The following ACTN1 variants were observed in gnomAD, a reference collection of about 807,000 sequenced individuals.
ACTN1 encodes actinin alpha 1.
Under a neutral mutation model 119.6 loss-of-function variants are expected in ACTN1, and 30 were observed. The observed-to-expected ratio is 0.25, with a 90% confidence interval of 0.19 to 0.34. The LOEUF (loss-of-function observed/expected upper bound fraction) is 0.34. Among genes scored for constraint, ACTN1 ranks in the 10% least tolerant of loss-of-function variants. ACTN1 has a pLI of 1.00. For synonymous variants in ACTN1, 429 were observed against 472.6 expected, an observed-to-expected ratio of 0.91 and a Z score of 1.20; for missense variants, 764 against 1,223.4, an observed-to-expected ratio of 0.62 and a Z score of 5.60.
At chr14:68,973,804 T>C (rs1340349610) in intron 1 of ACTN1, 1 of 152,090 alleles carries the variant, frequency 6.6e-6, no homozygotes, top group Non-Finnish European at 1.5e-5. Flanking sequence ...CGGGCTAAAT[T>C]GAATCCTGAG....
intron 3 of ACTN1, among the ~76,000 whole-genome samples, chr14:68,917,196 C>A (rs978995311): frequency 2.6e-5 from 4 of 152,206 alleles, no homozygotes; most frequent in Non-Finnish European, 5.9e-5. Context: ...CCTTAAGGAT[C>A]TGCTCTAACC....
intron 1 of ACTN1, among the ~76,000 whole-genome samples, chr14:68,943,999 C>A (rs540758201): frequency 6.6e-6 from 1 of 152,218 alleles, no homozygotes; most frequent in Non-Finnish European, 1.5e-5. Flanking sequence ...CAGTCTCAAG[C>A]CACACGGGCA....
rs766862371 is a variant in ACTN1 at position 68,979,066 on chromosome 14, C to T, written c.-10G>A. The T allele has an allele frequency of 5.2e-6, 8 of 1,544,786 alleles. No individual in the cohort carries two copies. In the Admixed American group the frequency reaches 5.3e-5, roughly 10 times the overall value. On this transcript the variant is annotated 5_prime_UTR_variant, in exon 1 of 22. Transcript: ENST00000394419. ...AATCATAATGGTCCATGATGGTGCG[C>T]GCGTGCTAGGGTCTGGATTTCTTCC...
At chr14:68,899,323 G>A (rs1212793579) in intron 8 of ACTN1, among the ~76,000 whole-genome samples, 5 of 123,240 alleles carry the variant, frequency 4.1e-5, no homozygotes, top group South Asian at 2.9e-4. Context: ...CACCCACAGC[G>A]CACCTCACCC....
chr14:68,943,493 G>T (rs2035832086), intron 1 of ACTN1, among the ~76,000 whole-genome samples: 1 of 152,172 alleles, frequency 6.6e-6, no homozygotes, highest in Non-Finnish European at 1.5e-5. Flanking sequence ...AGACACTGCA[G>T]CAAGGGCAGC....
At chr14:68,957,718 A>T (rs1036241603) in intron 1 of ACTN1, among the ~76,000 whole-genome samples, 5 of 152,236 alleles carry the variant, frequency 3.3e-5, no homozygotes, top group African/African-American at 1.2e-4. Context: ...GCCCACAACC[A>T]GTACCCTGGT....
rs1290173931 is a variant in ACTN1 at position 68,979,090 on chromosome 14, C to T, written c.-34G>A. On this transcript the variant is annotated 5_prime_UTR_variant, in exon 1 of 22. Coordinates refer to ENST00000394419, the MANE Select transcript of ACTN1 (RefSeq NM_001130004.2). ...GCGCGTGCTAGGGTCTGGATTTCTT[C>T]CTCCACCTTCTCTCTGAGCAACGGC... 2 of 1,440,366 alleles carry T rather than the reference C, an allele frequency of 1.4e-6. No homozygotes were observed. The highest frequency in any genetic ancestry group is 1.2e-5 in the South Asian group (1 of 84,652). 89.2% of individuals were successfully genotyped at this position (1,440,366 alleles called of 1,614,324 possible). A position where few individuals can be genotyped will look rare whatever the true frequency, so the allele number is the denominator to read the frequency against.
At chr14:68,896,837 A>G (rs2032915133) in intron 8 of ACTN1, among the ~76,000 whole-genome samples, 1 of 152,264 alleles carries the variant, frequency 6.6e-6, no homozygotes, top group African/African-American at 2.4e-5. Flanking sequence ...GCTTCATGAG[A>G]TAATGTAACA....
intron 3 of ACTN1, among the ~76,000 whole-genome samples, chr14:68,912,800 C>T (rs1594804029): frequency 2.0e-5 from 3 of 152,170 alleles, no homozygotes; most frequent in African/African-American, 7.2e-5. Context: ...GGGAAGGCCA[C>T]AGAGAAGGGG....
At chr14:68,927,244 C>T (rs1418971316) in intron 1 of ACTN1, among the ~76,000 whole-genome samples, 1 of 152,182 alleles carries the variant, frequency 6.6e-6, no homozygotes, top group Non-Finnish European at 1.5e-5. Context: ...ATATCACCTC[C>T]TCCAGGAAGC....
intron 21 of ACTN1, 89 bp downstream of exon 21, chr14:68,876,993 G>A (rs1223906615): frequency 1.3e-6 from 2 of 1,486,104 alleles, no homozygotes; most frequent in South Asian, 2.6e-5. Context: ...GGGCGGTTGA[G>A]GAGTTCATGT....
At chr14:68,904,066 C>T (rs1364607963) in intron 7 of ACTN1, among the ~76,000 whole-genome samples, 1 of 152,160 alleles carries the variant, frequency 6.6e-6, no homozygotes, top group African/African-American at 2.4e-5. Context: ...AACATGGAGC[C>T]ACTGCCTCTG....
rs142045089 is a variant in ACTN1, at chr14:68,945,772, G to A, written c.106-20100C>T. Among the ~76,000 whole-genome samples the A allele has an allele frequency of 2.0e-3, 311 of 152,346 alleles. 1 individual carries two copies. Among genetic ancestry groups the A allele is most frequent in the African/African-American group, 7.0e-3 (290 of 41,576 alleles). ...AGCTTTGCACCCATACTCCCTGCCTGCCCAGACACCTGGGGCAGCTCGCTG... is the reference window on the plus strand; with the variant it reads ...AGCTTTGCACCCATACTCCCTGCCTACCCAGACACCTGGGGCAGCTCGCTG... On this transcript the variant is annotated intron_variant, in intron 1 of 21. Transcript: ENST00000394419.
rs987489338 is a variant in ACTN1, at chr14:68,882,298, T to C, written c.1953+160A>G. Among the ~76,000 whole-genome samples, 6 of 152,080 alleles carry C rather than the reference T, an allele frequency of 3.9e-5. No individual in the cohort carries two copies. Among genetic ancestry groups the C allele is most frequent in the Non-Finnish European group, 8.8e-5 (6 of 68,016 alleles). ...ATACTGCCAGCAGGGCTTCTTCACATAGGCCCCCATAGCCTTCTACAGAAC... is the reference window on the plus strand; with the variant it reads ...ATACTGCCAGCAGGGCTTCTTCACACAGGCCCCCATAGCCTTCTACAGAAC... On this transcript the variant is annotated intron_variant, in intron 16 of 21. Coordinates refer to ENST00000394419, the MANE Select transcript of ACTN1 (RefSeq NM_001130004.2). The surrounding 1 kb of genome is among the most constrained non-coding windows in gnomAD (Gnocchi z 4.5).
At chr14:68,938,899 A>C (rs2035655467) in intron 1 of ACTN1, among the ~76,000 whole-genome samples, 1 of 149,984 alleles carries the variant, frequency 6.7e-6, no homozygotes, top group South Asian at 2.1e-4. Flanking sequence ...GGCCAAGAGG[A>C]GGAGATGGGG....
Position 68,910,093 on chromosome 14 carries a change from G to A in ACTN1, c.428-51C>T, listed in dbSNP as rs3742893. 232,182 of 1,505,654 alleles carry A rather than the reference G, an allele frequency of 0.15. 26,933 individuals carry two copies. Among genetic ancestry groups the A allele is most frequent in the East Asian group, 0.64 (28,309 of 43,954 alleles). 93.3% of individuals were successfully genotyped at this position (1,505,654 alleles called of 1,614,324 possible). On this transcript the variant is annotated intron_variant, in intron 4 of 21. Coordinates refer to ENST00000394419, the MANE Select transcript of ACTN1 (RefSeq NM_001130004.2). Reference sequence around the variant, plus strand: ...GGTCAGAGGGCTGACTCGGTGGAGGGAGGGATGCCGGCTCACAGGAGGCCC... The same window carrying A: ...GGTCAGAGGGCTGACTCGGTGGAGGAAGGGATGCCGGCTCACAGGAGGCCC...
intron 1 of ACTN1, among the ~76,000 whole-genome samples, chr14:68,969,088 A>C (rs1011732362): frequency 1.3e-5 from 2 of 152,254 alleles, no homozygotes; most frequent in Admixed American, 6.5e-5. Flanking sequence ...ACACGGGCCC[A>C]CTATATAACT....
chr14:68,930,335 T>C (rs547153685), intron 1 of ACTN1, among the ~76,000 whole-genome samples: 21 of 152,356 alleles, frequency 1.4e-4, no homozygotes, highest in Admixed American at 1.0e-3. Flanking sequence ...ATAGTATCAA[T>C]GTGTCTGAAA....
Position 68,878,329 on chromosome 14 carries a change from C to A in ACTN1, c.2427+129G>T. ...GAGCCATCTTCCCCAAGGACATGGG[C>A]CCTGGGGCTCCTCCAGGGAGGGCAG... On this transcript the variant is annotated intron_variant, in intron 20 of 21. Transcript: ENST00000394419. The surrounding 1 kb of genome is among the most constrained non-coding windows in gnomAD (Gnocchi z 4.4). The A allele has an allele frequency of 7.4e-7, 1 of 1,353,118 alleles. No individual in the cohort carries two copies. Among genetic ancestry groups the A allele is most frequent in the Non-Finnish European group, 9.8e-7 (1 of 1,019,000 alleles). The allele number at this position is 1,353,118 out of a possible 1,614,324, so 83.8% of individuals were successfully genotyped here.
Sources: allele counts gnomAD v4.1 joint callset (sites outside exome capture counted in the v4.1 genomes callset), GRCh38; gene constraint gnomAD v4.1.1; non-coding constraint Gnocchi (gnomAD v3.1); transcripts MANE v1.5; gene names NCBI Gene and HGNC (gene_info 2026-07-23, HGNC 2026-07-21).